Variants in CC2D2A observed in about 807,000 individuals in gnomAD.
CC2D2A encodes coiled-coil and C2 domain containing 2A.
In CC2D2A, 155 loss-of-function variants were observed where a neutral mutation model predicts 212.9. The observed-to-expected ratio is 0.73, with a 90% CI of 0.64 to 0.83. CC2D2A has a LOEUF of 0.83. Ranked by LOEUF, CC2D2A falls within the 40% of genes least tolerant of loss-of-function variation. The pLI, the probability that CC2D2A is intolerant of heterozygous loss-of-function variation, is 0.00. For synonymous variants in CC2D2A, 667 were observed against 686.5 expected (o/e 0.97, Z 0.44); for missense variants, 1,856 against 1,956.2 (o/e 0.95, Z 0.97).
chr4:15,543,480 A>G (rs528388390), intron 17 of CC2D2A: 16 of 152,210 alleles, frequency 1.1e-4, no homozygotes, highest in Non-Finnish European at 1.6e-4. Flanking sequence ...CTTTCTGAAT[A>G]TCAACTGGGG....
intron 17 of CC2D2A, among the ~76,000 whole-genome samples, chr4:15,546,358 A>C (rs943576842): frequency 2.0e-5 from 3 of 152,172 alleles, no homozygotes; most frequent in Non-Finnish European, 4.4e-5. Context: ...ACAACTAACA[A>C]CAGTGGTATA....
intron 3 of CC2D2A, chr4:15,479,242 G>A (rs759938735): frequency 1.3e-5 from 20 of 1,536,952 alleles, no homozygotes; most frequent in South Asian, 7.1e-5. Flanking sequence ...CCTTTCTCCC[G>A]AGCCTGCTGG....
At chr4:15,533,156 T>C in intron 13 of CC2D2A, 37 bp from the exon 14 acceptor site, 4 of 1,534,650 alleles carry the variant, frequency 2.6e-6, no homozygotes, top group Non-Finnish European at 3.5e-6. Flanking sequence ...CACACCTGAC[T>C]TTTTAATATA....
At chr4:15,511,110 CT>C in intron 7 of CC2D2A, 136 bp from the exon 8 acceptor site, 1 of 976,308 alleles carries the variant, frequency 1.0e-6, no homozygotes, top group Non-Finnish European at 1.4e-6. Context: ...AGTCTCACAC[CT>C]TTAACTAAGA....
chr4:15,478,601 A>C lies in CC2D2A; in HGVS notation c.40-122A>C, dbSNP rs9993580. 579,664 of 672,530 alleles carry C rather than the reference A, an allele frequency of 0.86. 250,650 individuals are homozygous for C. The highest frequency in any genetic ancestry group is 0.98 in the East Asian group (35,788 of 36,582). The allele number at this position is 672,530 out of a possible 1,614,324, so 41.7% of individuals were successfully genotyped here. On this transcript the variant is annotated intron_variant, in intron 2 of 36. Coordinates refer to ENST00000424120, the MANE Select transcript of CC2D2A (RefSeq NM_001378615.1). ...CCGCACAGATTGTTAACTGTCCCCC[A>C]ACTCACACTCAGCATTACTGGATAG...
In CC2D2A at chr4:15,568,648, T is replaced by C. The variant is rs6836527; in HGVS notation, c.3399-645T>C. ...AAGAAGGTAACAGCTACCACTATTA[T>C]GCACAGAACAGCAAAAAGAACAAGA... On this transcript the variant is annotated intron_variant, in intron 26 of 36. Coordinates refer to ENST00000424120, the MANE Select transcript of CC2D2A (RefSeq NM_001378615.1). Among the ~76,000 whole-genome samples the C allele has an allele frequency of 8.5e-3, 1,290 of 152,292 alleles. 12 individuals are homozygous for C. The highest frequency in any genetic ancestry group is 0.03 in the African/African-American group (1,231 of 41,550).
chr4:15,473,125 T>C (rs1375516328), intron 1 of CC2D2A: 1 of 152,204 alleles, frequency 6.6e-6, no homozygotes, highest in African/African-American at 2.4e-5. Context: ...GACTTAATCA[T>C]TCATTCGACA....
chr4:15,518,492 T>C (rs1043713417), intron 11 of CC2D2A, among the ~76,000 whole-genome samples: 3 of 152,044 alleles, frequency 2.0e-5, no homozygotes, highest in African/African-American at 7.2e-5. Flanking sequence ...TATTCTGGGG[T>C]CTGGAGGACA....
intron 15 of CC2D2A, 124 bp downstream of exon 15, chr4:15,537,200 C>A: frequency 1.3e-6 from 1 of 751,940 alleles, no homozygotes. Flanking sequence ...CCCTCTGTCT[C>A]TTCCCCGTCC....
intron 36 of CC2D2A, among the ~76,000 whole-genome samples, chr4:15,600,072 G>A (rs1028036517): frequency 3.3e-5 from 5 of 152,136 alleles, no homozygotes; most frequent in African/African-American, 1.2e-4. Context: ...TGCTAAGAAA[G>A]GTGGTTATTA....
At chr4:15,501,700 G>C (rs1039155556) in intron 4 of CC2D2A, among the ~76,000 whole-genome samples, 1 of 152,096 alleles carries the variant, frequency 6.6e-6, no homozygotes, top group Non-Finnish European at 1.5e-5. Flanking sequence ...CCACATCCTA[G>C]GTGTGTGATG....
At chr4:15,575,064 A>G (rs1228979910) in intron 29 of CC2D2A, among the ~76,000 whole-genome samples, 1 of 152,246 alleles carries the variant, frequency 6.6e-6, no homozygotes, top group Non-Finnish European at 1.5e-5. Context: ...TTCCTGTAAC[A>G]TAGTTGTATA....
chr4:15,485,439 T>C (rs779353853), intron 4 of CC2D2A, among the ~76,000 whole-genome samples: 1 of 152,254 alleles, frequency 6.6e-6, no homozygotes, highest in Non-Finnish European at 1.5e-5. Flanking sequence ...GCAGTAAAAA[T>C]AGGAGTTCAG....
chr4:15,518,882 A>AT (rs1423154151), intron 11 of CC2D2A, among the ~76,000 whole-genome samples: 1 of 151,908 alleles, frequency 6.6e-6, no homozygotes, highest in South Asian at 2.1e-4. Context: ...CTAAGAAAAC[A>AT]TTTTTTTCCT....
chr4:15,531,494 A>T (rs1318623394), intron 13 of CC2D2A, among the ~76,000 whole-genome samples: 1 of 152,086 alleles, frequency 6.6e-6, no homozygotes, highest in Non-Finnish European at 1.5e-5. Flanking sequence ...TTCTCCTGAA[A>T]TGAATCCACT....
chr4:15,556,757 C>G (rs1248867456), intron 20 of CC2D2A, among the ~76,000 whole-genome samples: 1 of 152,208 alleles, frequency 6.6e-6, no homozygotes, highest in Non-Finnish European at 1.5e-5. Flanking sequence ...CTTCTTGAGA[C>G]AATGCACAGG....
chr4:15,559,351 C>A, intron 22 of CC2D2A, 94 bp downstream of exon 22: 3 of 744,744 alleles, frequency 4.0e-6, no homozygotes, highest in South Asian at 1.7e-5. Flanking sequence ...TCTATGTGAG[C>A]TTATGCAAGC....
rs1716921951 is a variant in CC2D2A, at chr4:15,517,052, ATTCTCC to A, written c.1149+298_1149+303del. Among the ~76,000 whole-genome samples the A allele has an allele frequency of 2.1e-5, 3 of 140,854 alleles. No individual in the cohort carries two copies. In the South Asian group the frequency reaches 6.6e-4, roughly 31 times the overall value. The allele number at this position is 140,854 out of a possible 152,430, so 92.4% of individuals were successfully genotyped here. ...AGGCTCCGCCTCCCGGGTTCACGCCATTCTCCTGCCTCAGCCTTTTGAGTAGCTGGG... is the reference window on the plus strand; with the variant it reads ...AGGCTCCGCCTCCCGGGTTCACGCCATGCCTCAGCCTTTTGAGTAGCTGGG... On this transcript the variant is annotated intron_variant, in intron 11 of 36. Transcript: ENST00000424120.
intron 34 of CC2D2A, 49 bp downstream of exon 34, chr4:15,596,256 A>C (rs762901348): frequency 5.6e-6 from 8 of 1,437,614 alleles, no homozygotes; most frequent in Non-Finnish European, 7.3e-6. Flanking sequence ...AAAAGATAGG[A>C]AATTATACTG....
Sources: allele counts gnomAD v4.1 joint callset (sites outside exome capture counted in the v4.1 genomes callset), GRCh38; gene constraint gnomAD v4.1.1; transcripts MANE v1.5; gene names NCBI Gene and HGNC (gene_info 2026-07-23, HGNC 2026-07-21).